Variants in MYOCD observed in about 807,000 individuals in gnomAD.
MYOCD encodes myocardin.
A neutral mutation model predicts 96.1 loss-of-function variants in MYOCD; 32 were observed. The observed-to-expected ratio is 0.33, with a 90% CI of 0.25 to 0.45. The LOEUF (loss-of-function observed/expected upper bound fraction) is 0.45. Ranked by LOEUF, MYOCD falls within the 20% of genes least tolerant of loss-of-function variation. The pLI, the probability that MYOCD is intolerant of heterozygous loss-of-function variation, is 1.00. For missense variants in MYOCD, 1,133 were observed against 1,200.6 expected (o/e 0.94, Z 0.83); for synonymous variants, 469 against 469.0 (o/e 1.00, Z 0.00).
intron 5 of MYOCD, among the ~76,000 whole-genome samples, chr17:12,727,176 CA>C (rs1054640734): frequency 2.0e-5 from 3 of 152,110 alleles, no homozygotes; most frequent in African/African-American, 7.2e-5. Flanking sequence ...GACTAATAAA[CA>C]AAAGGAATGG....
intron 1 of MYOCD, chr17:12,672,284 A>G (rs1909749167): frequency 6.6e-6 from 1 of 152,212 alleles, no homozygotes; most frequent in African/African-American, 2.4e-5. Flanking sequence ...GTTCTTGCTT[A>G]TGCGTGGAGT....
intron 1 of MYOCD, among the ~76,000 whole-genome samples, chr17:12,700,428 T>TTTTTTTTC (rs397856913): frequency 7.1e-6 from 1 of 140,878 alleles, no homozygotes; most frequent in Non-Finnish European, 1.5e-5. Flanking sequence ...TTTTTTTTTT[T>TTTTTTTTC]GAGATGGAGT....
chr17:12,715,013 C>T (rs1476334012), intron 2 of MYOCD, among the ~76,000 whole-genome samples: 17 of 152,046 alleles, frequency 1.1e-4, no homozygotes, highest in Admixed American at 1.1e-3. Context: ...CACTCAACAC[C>T]CTTAGTTGCA....
Position 12,722,839 on chromosome 17 carries a change from C to T in MYOCD, c.254-8C>T, listed in dbSNP as rs1243613519. The T allele has an allele frequency of 6.2e-7, 1 of 1,602,388 alleles. No homozygotes were observed. The highest frequency in any genetic ancestry group is 1.8e-5 in the Admixed American group (1 of 57,032). ...CTAGAACTGATCCTTTTCATTTCAACCCTTTAGCTTCCACTGCAGAGAGGT... is the reference window on the plus strand; with the variant it reads ...CTAGAACTGATCCTTTTCATTTCAATCCTTTAGCTTCCACTGCAGAGAGGT... On this transcript the variant is annotated splice_polypyrimidine_tract_variant and splice_region_variant and intron_variant, in intron 4 of 13. Coordinates refer to ENST00000425538, the MANE Select transcript of MYOCD (RefSeq NM_001146312.3).
Position 12,768,598 on chromosome 17 carries a change from A to G in MYOCD, c.*4954A>G, listed in dbSNP as rs2033400695. Reference sequence around the variant, plus strand: ...GATGGGGATGCTGGAAGCTTTTTTAATGTTTTCCAAAGGAAAGGAACCCAC... The same window carrying G: ...GATGGGGATGCTGGAAGCTTTTTTAGTGTTTTCCAAAGGAAAGGAACCCAC... On this transcript the variant is annotated 3_prime_UTR_variant, in exon 14 of 14. Transcript: ENST00000425538. 6.6e-6 allele frequency: 1 copy of G among 152,078 alleles called. No individual in the cohort carries two copies. Among genetic ancestry groups the G allele is most frequent in the South Asian group, 2.1e-4 (1 of 4,828 alleles). The allele number at this position is 152,078 out of a possible 1,614,324, so 9.4% of individuals were successfully genotyped here. A position where few individuals can be genotyped will look rare whatever the true frequency, so the allele number is the denominator to read the frequency against.
Position 12,717,386 on chromosome 17 carries a change from A to G in MYOCD, c.218A>G (p.Asn73Ser). 2 of 1,614,134 alleles carry G rather than the reference A, an allele frequency of 1.2e-6. No homozygotes were observed. Among genetic ancestry groups the G allele is most frequent in the Non-Finnish European group, 1.7e-6 (2 of 1,180,000 alleles). ...AAGCGCAAAGCCAGAAACAGGTGCA[A>G]CAGTGCCGACTTGGTTAATATGCAC... ...SLKRKARNRC[N>S]SADLVNMHIL... The change falls in exon 4 of 14, where the codon AAC becomes AGC. Residue 73 changes from asparagine to serine, a missense_variant. Coordinates refer to ENST00000425538, the MANE Select transcript of MYOCD (RefSeq NM_001146312.3).
At chr17:12,706,975 C>G (rs1669765966) in intron 2 of MYOCD, among the ~76,000 whole-genome samples, 1 of 152,230 alleles carries the variant, frequency 6.6e-6, no homozygotes, top group Non-Finnish European at 1.5e-5. Flanking sequence ...TACCTCCTTT[C>G]AACCAGGCTT....
Position 12,756,297 on chromosome 17 carries a change from A to G in MYOCD, c.2059-117A>G. The G allele has an allele frequency of 5.8e-6, 7 of 1,201,126 alleles. No homozygotes were observed. The South Asian group carries it at 9.2e-5, about 16-fold the overall frequency. 74.4% of individuals were successfully genotyped at this position (1,201,126 alleles called of 1,614,324 possible). ...GCAAGTTCATCTGGTAATGGAATTT[A>G]GGAAGGTTTGTAAAAATGACACCAG... On this transcript the variant is annotated intron_variant, in intron 10 of 13. Transcript: ENST00000425538.
At chr17:12,716,202 C>T (rs949500273) in intron 3 of MYOCD, among the ~76,000 whole-genome samples, 2 of 152,126 alleles carry the variant, frequency 1.3e-5, no homozygotes, top group Non-Finnish European at 2.9e-5. Context: ...TATTTCCTTA[C>T]CTGAGAGTAC....
chr17:12,701,232 C>T (rs1375565941), intron 1 of MYOCD, among the ~76,000 whole-genome samples: 2 of 151,880 alleles, frequency 1.3e-5, no homozygotes, highest in Admixed American at 1.3e-4. Flanking sequence ...ACCAACATGG[C>T]GAAACCTCGT....
rs1178218851 is a variant in MYOCD at position 12,765,863 on chromosome 17, A to C, written c.*2219A>C. The stretch of plus-strand genomic sequence containing the variant: ...TGGAAATGGTATCACAGTCTCTTAT[A>C]GAGGAATATGAAAGGAACAAGAAAA... On this transcript the variant is annotated 3_prime_UTR_variant, in exon 14 of 14. Transcript: ENST00000425538. 1 of 152,226 alleles carries C rather than the reference A, an allele frequency of 6.6e-6. No individual in the cohort carries two copies. Among genetic ancestry groups the C allele is most frequent in the Non-Finnish European group, 1.5e-5 (1 of 68,028 alleles). The allele number at this position is 152,226 out of a possible 1,614,324, so 9.4% of individuals were successfully genotyped here. A position where few individuals can be genotyped will look rare whatever the true frequency, so the allele number is the denominator to read the frequency against.
At chr17:12,749,181 A>C (rs1383101107) in intron 9 of MYOCD, among the ~76,000 whole-genome samples, 2 of 152,150 alleles carry the variant, frequency 1.3e-5, no homozygotes, top group African/African-American at 2.4e-5. Context: ...TTCACCACCT[A>C]GTTAACATTC....
Position 12,756,471 on chromosome 17 carries a change from C to T in MYOCD, c.2116C>T (p.His706Tyr), listed in dbSNP as rs2033014678. ...CTTCTCTCCCCATTCTTCCAGCCTC[C>T]ACCCGCCCTTCTCTGGAGCCCAAGC... ...PSFSPHSSSLHPPFSGAQADS... is the reference protein window; with the variant it reads ...PSFSPHSSSLYPPFSGAQADS... Residue 706 changes from histidine (H) to tyrosine (Y), a missense_variant, in exon 11 of 14, where the codon CAC becomes TAC. Transcript: ENST00000425538. 1.9e-6 allele frequency: 3 copies of T among 1,551,886 alleles called. No homozygotes were observed. Among genetic ancestry groups the T allele is most frequent in the East Asian group, 2.4e-5 (1 of 40,874 alleles).
chr17:12,757,353 C>T (rs2033042018), intron 11 of MYOCD, among the ~76,000 whole-genome samples: 1 of 152,114 alleles, frequency 6.6e-6, no homozygotes, highest in Non-Finnish European at 1.5e-5. Context: ...AGGCACTCCA[C>T]AGGAGAACAC....
In MYOCD at chr17:12,723,025, G is replaced by A; in HGVS notation, c.415+17G>A. ...CCATAAAAGGTAGTTAGAACAAATG[G>A]CATGTCTCTCCTTGGTGCTATTGAG... On this transcript the variant is annotated intron_variant, in intron 5 of 13. Coordinates refer to ENST00000425538, the MANE Select transcript of MYOCD (RefSeq NM_001146312.3). The A allele has an allele frequency of 2.5e-6, 4 of 1,608,594 alleles. No homozygotes were observed. The highest frequency in any genetic ancestry group is 1.1e-5 in the South Asian group (1 of 89,914).
intron 1 of MYOCD, among the ~76,000 whole-genome samples, chr17:12,685,942 A>G (rs944638410): frequency 2.6e-5 from 4 of 152,184 alleles, no homozygotes; most frequent in Non-Finnish European, 5.9e-5. Context: ...GGTGATCCCA[A>G]AGCCTTCTGG....
intron 5 of MYOCD, among the ~76,000 whole-genome samples, chr17:12,724,719 A>G (rs1052880117): frequency 7.2e-5 from 11 of 152,094 alleles, no homozygotes; most frequent in African/African-American, 2.7e-4. Context: ...GTCTGAAACT[A>G]TTTAAGTGGT....
chr17:12,723,711 G>A (rs1567587315), intron 5 of MYOCD, among the ~76,000 whole-genome samples: 1 of 152,144 alleles, frequency 6.6e-6, no homozygotes, highest in African/African-American at 2.4e-5. Context: ...GGAAAACTAT[G>A]GTATCAGGGA....
chr17:12,666,079 T>A lies in MYOCD; in HGVS notation c.-110T>A. The stretch of plus-strand genomic sequence containing the variant: ...CTACCCAGGGGAGCTCACGGAGAGT[T>A]GGATGAATTCTGGGTTGTTAGCTGC... On this transcript the variant is annotated 5_prime_UTR_variant, in exon 1 of 14. Transcript: ENST00000425538. 1 of 763,444 alleles carries A rather than the reference T, an allele frequency of 1.3e-6. No individual in the cohort carries two copies. Among genetic ancestry groups the A allele is most frequent in the South Asian group, 1.5e-5 (1 of 65,656 alleles). 47.3% of individuals were successfully genotyped at this position (763,444 alleles called of 1,614,324 possible). A position where few individuals can be genotyped will look rare whatever the true frequency, so the allele number is the denominator to read the frequency against.
Sources: gnomAD v4.1 joint callset for allele counts (sites outside exome capture counted in the v4.1 genomes callset) on GRCh38, gnomAD v4.1.1 for gene constraint, MANE v1.5 for transcripts, NCBI Gene and HGNC (gene_info 2026-07-23, HGNC 2026-07-21) for gene names.